Variants in DOCK10 observed in about 807,000 individuals in gnomAD.
The protein encoded by DOCK10 is dedicator of cytokinesis 10.
A neutral mutation model predicts 280.1 loss-of-function variants in DOCK10; 145 were observed. The ratio of observed to expected loss-of-function variants is 0.52; its 90% CI spans 0.45 to 0.59. The LOEUF is 0.59. DOCK10 is among the 20% of genes least tolerant of loss of function. DOCK10 has a pLI of 0.00. For synonymous variants in DOCK10, 915 were observed against 942.2 expected (o/e 0.97, Z 0.53); for missense variants, 2,368 against 2,651.7 (o/e 0.89, Z 2.35).
At position 224,856,942 on chromosome 2, in the gene DOCK10, A is replaced by C; in HGVS notation, c.1726T>G (p.Ser576Ala). ...TGTCTAAACAATGGTGAAAATCTTG[A>C]GTCTCTGTCCACATTTCCCTGGTTG... ...KDNQGNVDRD[S>A]RFSPLFRQES... Residue 576 changes from serine (S) to alanine (A), a missense_variant, in exon 15 of 56, where the codon TCA becomes GCA. Ser to Ala is a moderately conservative substitution (Grantham distance 99). Transcript: ENST00000258390. 6.2e-7 allele frequency: 1 copy of C among 1,612,416 alleles called. No individual in the cohort carries two copies. Among genetic ancestry groups the C allele is most frequent in the South Asian group, 1.1e-5 (1 of 90,892 alleles).
chr2:224,879,862 T>C (rs1244675796), intron 7 of DOCK10, among the ~76,000 whole-genome samples: 2 of 152,178 alleles, frequency 1.3e-5, no homozygotes, highest in Non-Finnish European at 2.9e-5. Flanking sequence ...TTTTAAGTAT[T>C]TGATTATAGA....
In DOCK10 at chr2:224,830,593, G is replaced by T. The variant is rs1464337192; in HGVS notation, c.2984C>A (p.Ala995Glu). The T allele has an allele frequency of 2.6e-6, 4 of 1,532,904 alleles. No individual in the cohort carries two copies. Among genetic ancestry groups the T allele is most frequent in the Non-Finnish European group, 2.6e-6 (3 of 1,132,832 alleles). 95.0% of individuals were successfully genotyped at this position (1,532,904 alleles called of 1,614,324 possible). A position where few individuals can be genotyped will look rare whatever the true frequency, so the allele number is the denominator to read the frequency against. Residue 995 changes from alanine to glutamate, a missense_variant, in exon 27 of 56, where the codon GCA (alanine) becomes GAA (glutamate). This residue lies in a region of DOCK10 where 1,209 missense variants were observed against 1,250.9 expected (regional missense o/e 0.97). Transcript: ENST00000258390. ...CTGTGCCATCGATTTTAGGATAATTGCAAAGAAGAACCAGGAATGCTGTTG... is the reference window on the plus strand; with the variant it reads ...CTGTGCCATCGATTTTAGGATAATTTCAAAGAAGAACCAGGAATGCTGTTG... ...HVLKHSWFFF[A>E]IILKSMAQHL...
chr2:224,964,703 C>T (rs1033887180), intron 1 of DOCK10, among the ~76,000 whole-genome samples: 2 of 152,156 alleles, frequency 1.3e-5, no homozygotes, highest in South Asian at 2.1e-4. Context: ...AAGGTGATGA[C>T]TGGTGTTGAA....
rs1209777267 is a variant in DOCK10, at chr2:224,845,299, C to G, written c.2385G>C (p.Met795Ile). The G allele has an allele frequency of 3.1e-6, 5 of 1,590,930 alleles. No homozygotes were observed. Among genetic ancestry groups the G allele is most frequent in the Non-Finnish European group, 4.3e-6 (5 of 1,167,312 alleles). ...CTTGAGAAGCTATCTGATCGTGTTT[C>G]ATCAGAGGAAGCCAAGCATATCCAA... ...TSVGYAWLPLMKHDQIASQEY... is the reference protein window; with the variant it reads ...TSVGYAWLPLIKHDQIASQEY... Residue 795 changes from methionine to isoleucine, a missense_variant, in exon 21 of 56, where the codon ATG becomes ATC. Around this residue, in one of 2 missense-constraint regions of DOCK10, gnomAD observed 1,209 missense variants for 1,250.9 expected, o/e 0.97. Transcript: ENST00000258390.
At chr2:225,033,489 G>A (rs1014828895) in intron 1 of DOCK10, among the ~76,000 whole-genome samples, 4 of 152,132 alleles carry the variant, frequency 2.6e-5, no homozygotes, top group African/African-American at 9.7e-5. Flanking sequence ...AGCTGCGACT[G>A]TTAATTCTTC....
chr2:224,919,479 G>T (rs1289824206), intron 2 of DOCK10, among the ~76,000 whole-genome samples: 1 of 143,450 alleles, frequency 7.0e-6, no homozygotes, highest in Non-Finnish European at 1.5e-5. Context: ...TGTGAGTGTG[G>T]ATGGTGTGTA....
chr2:224,829,862 G>T (rs535654960), intron 27 of DOCK10, among the ~76,000 whole-genome samples: 1 of 152,250 alleles, frequency 6.6e-6, no homozygotes, highest in East Asian at 1.9e-4. Context: ...TTCCATCAGG[G>T]TCCCTCTTCT....
chr2:225,042,447 A>C lies in DOCK10; in HGVS notation c.-73T>G. On this transcript the variant is annotated 5_prime_UTR_variant, in exon 1 of 56. Coordinates refer to ENST00000258390, the MANE Select transcript of DOCK10 (RefSeq NM_014689.3). The surrounding 1 kb of genome is among the most constrained non-coding windows in gnomAD (Gnocchi z 5.1). ...GGTCTTCCCCGCGCCAACCTTCTCT[A>C]TCCACCCGCCGTTCAGGAAGCGGAA... The C allele has an allele frequency of 1.6e-6, 2 of 1,218,260 alleles. No individual in the cohort carries two copies. Among genetic ancestry groups the C allele is most frequent in the Non-Finnish European group, 2.0e-6 (2 of 977,172 alleles). The allele number at this position is 1,218,260 out of a possible 1,614,324, so 75.5% of individuals were successfully genotyped here.
rs1696207108 is a variant in DOCK10 at position 224,844,623 on chromosome 2, C to T, written c.2568+130G>A. On this transcript the variant is annotated intron_variant, in intron 22 of 55. Transcript: ENST00000258390. ...TCAAATTATGCCCTTAACATTCTTC[C>T]TTTGTAGTATTCAAACACCTGCCTT... is the stretch of plus-strand genomic sequence containing the variant. 6.1e-6 allele frequency: 4 copies of T among 660,510 alleles called. No homozygotes were observed. The African/African-American group carries it at 7.2e-5, about 12-fold the overall frequency. The allele number at this position is 660,510 out of a possible 1,614,324, so 40.9% of individuals were successfully genotyped here.
At position 224,845,267 on chromosome 2, in the gene DOCK10, T is replaced by C. The variant is rs370774760; in HGVS notation, c.2417A>G (p.Asn806Ser). The C allele has an allele frequency of 6.3e-6, 10 of 1,588,778 alleles. No homozygotes were observed. Among genetic ancestry groups the C allele is most frequent in the Admixed American group, 1.8e-5 (1 of 56,066 alleles). The change falls in exon 21 of 56, where the codon AAC (asparagine) becomes AGC (serine). Residue 806 changes from asparagine to serine, a missense_variant. By Grantham distance (46) the Asn-to-Ser change is conservative. Transcript: ENST00000258390. Reference protein sequence around the residue: ...KHDQIASQEYNIPIATSLPPN... With the variant: ...KHDQIASQEYSIPIATSLPPN... ...AGGCAGACTTGTTGCTATTGGGATG[T>C]TGTACTCTTGAGAAGCTATCTGATC...
intron 1 of DOCK10, among the ~76,000 whole-genome samples, chr2:224,961,468 T>TTCTTTCTTTCTTTCTC (rs10672849): frequency 1.5e-5 from 1 of 66,620 alleles, no homozygotes. Flanking sequence ...CTTTCTTTCT[T>TTCTTTCTTTCTTTCTC]TTTCTTTCTT....
Position 224,805,575 on chromosome 2 carries a change from G to T in DOCK10, c.3815-46C>A. ...ACACGTATGGGAATGAGATGTATGG[G>T]CACACACACACAAAAGGTTCACATG... On this transcript the variant is annotated intron_variant, in intron 34 of 55. Transcript: ENST00000258390. The surrounding 1 kb of genome is among the most constrained non-coding windows in gnomAD (Gnocchi z 4.3). The T allele has an allele frequency of 6.2e-7, 1 of 1,605,302 alleles. No individual in the cohort carries two copies.
chr2:224,786,134 G>A lies in DOCK10; in HGVS notation c.5655+888C>T, dbSNP rs764453816. On this transcript the variant is annotated intron_variant, in intron 50 of 55. Coordinates refer to ENST00000258390, the MANE Select transcript of DOCK10 (RefSeq NM_014689.3). This position sits in a 1 kb window ranked among gnomAD's most constrained non-coding sequence, Gnocchi z 4.7. ...TTGCTTGAACCGGGACCCAGGAGGCGGAGGTTGCAGTGAGCCGAGATCACG... is the reference window on the plus strand; with the variant it reads ...TTGCTTGAACCGGGACCCAGGAGGCAGAGGTTGCAGTGAGCCGAGATCACG... 2.6e-5 allele frequency among the ~76,000 whole-genome samples: 4 copies of A among 152,148 alleles called. No individual in the cohort carries two copies. The highest frequency in any genetic ancestry group is 4.8e-5 in the African/African-American group (2 of 41,438).
chr2:224,863,508 A>G (rs1697665491), intron 13 of DOCK10, among the ~76,000 whole-genome samples: 1 of 151,932 alleles, frequency 6.6e-6, no homozygotes, highest in Non-Finnish European at 1.5e-5. Flanking sequence ...GCTGGAGTGC[A>G]GTGGCAGGAT....
In DOCK10 at chr2:224,820,903, C is replaced by T. The variant is rs149148089; in HGVS notation, c.3184-1374G>A. On this transcript the variant is annotated intron_variant, in intron 28 of 55. Transcript: ENST00000258390. ...AGTCAGGCGAATGGGCTAAAAGATA[C>T]GGCTATCCAATCAGCAAAATAAAAA... Among the ~76,000 whole-genome samples, 711 of 152,280 alleles carry T rather than the reference C, an allele frequency of 4.7e-3. 7 individuals are homozygous for T. Among genetic ancestry groups the T allele is most frequent in the African/African-American group, 0.015 (636 of 41,554 alleles).
At chr2:224,983,812 G>A in intron 1 of DOCK10, 1 of 471,038 alleles carries the variant, frequency 2.1e-6, no homozygotes, top group Non-Finnish European at 4.4e-6. Flanking sequence ...TTTTAGTGCT[G>A]CTGGAAAAAG....
intron 1 of DOCK10, among the ~76,000 whole-genome samples, chr2:225,032,890 C>T (rs1033871058): frequency 3.9e-5 from 6 of 152,194 alleles, no homozygotes; most frequent in Admixed American, 1.3e-4. Flanking sequence ...CAAAGAGTCA[C>T]TGGTCATTTT....
chr2:224,948,951 T>C (rs1703579279), intron 1 of DOCK10, among the ~76,000 whole-genome samples: 1 of 152,224 alleles, frequency 6.6e-6, no homozygotes, highest in Non-Finnish European at 1.5e-5. Context: ...ATCCTAGAGT[T>C]CCTCCCACTT....
chr2:225,000,637 C>T (rs577621156), intron 1 of DOCK10, among the ~76,000 whole-genome samples: 36 of 152,310 alleles, frequency 2.4e-4, no homozygotes, highest in African/African-American at 8.2e-4. Flanking sequence ...AGCCATGCTT[C>T]TGTGTCTTTC....
Sources: allele counts gnomAD v4.1 joint callset (sites outside exome capture counted in the v4.1 genomes callset), GRCh38; gene constraint gnomAD v4.1.1; regional missense constraint gnomAD v4.1.1; non-coding constraint Gnocchi (gnomAD v3.1); transcripts MANE v1.5; gene names NCBI Gene and HGNC (gene_info 2026-07-23, HGNC 2026-07-21).